EIF2AK4: variants seen among roughly 807,000 people sequenced by gnomAD.
EIF2AK4 encodes the protein eukaryotic translation initiation factor 2 alpha kinase 4.
A neutral mutation model predicts 211.1 loss-of-function variants in EIF2AK4; 139 were observed. The observed-to-expected ratio is 0.66, with a 90% CI of 0.57 to 0.76. EIF2AK4 has a LOEUF of 0.76. Among genes scored for constraint, EIF2AK4 ranks in the 30% least tolerant of loss-of-function variants. The probability of loss-of-function intolerance (pLI) is 0.00; values close to 1 mark genes in which losing one functional copy is unlikely to be tolerated. For missense variants in EIF2AK4, 1,664 were observed against 2,043.8 expected, an observed-to-expected ratio of 0.81 and a Z score of 3.58; for synonymous variants, 710 against 751.3, an observed-to-expected ratio of 0.94 and a Z score of 0.90.
At position 39,961,781 on chromosome 15, in the gene EIF2AK4, A is replaced by G; in HGVS notation, c.744-3A>G. On this transcript the variant is annotated splice_polypyrimidine_tract_variant and splice_region_variant and intron_variant, in intron 6 of 38. Transcript: ENST00000263791. ...AAATGTATTGTTCAAATTTATTTTTAAGGCGAGAACGTCAGTATTCTGTAT... is the reference window on the plus strand; with the variant it reads ...AAATGTATTGTTCAAATTTATTTTTGAGGCGAGAACGTCAGTATTCTGTAT... 1.9e-6 allele frequency: 3 copies of G among 1,601,782 alleles called. No homozygotes were observed. The highest frequency in any genetic ancestry group is 2.6e-6 in the Non-Finnish European group (3 of 1,173,982).
rs1339628994 is a variant in EIF2AK4, at chr15:40,017,238, T to C, written c.4061T>C (p.Leu1354Pro). The C allele has an allele frequency of 1.2e-6, 2 of 1,611,560 alleles. No homozygotes were observed. Among genetic ancestry groups the C allele is most frequent in the Admixed American group, 3.3e-5 (2 of 59,976 alleles). ...EILAAGGRYD[L>P]LIPQFRGPQA... ...CTCGCAGCTGGAGGCAGATATGACC[T>C]GCTGGTGAGGGCTTGCCCTTTATTT... Residue 1354 changes from leucine (L) to proline (P), a missense_variant, in exon 29 of 39, where the codon CTG becomes CCG. Coordinates refer to ENST00000263791, the MANE Select transcript of EIF2AK4 (RefSeq NM_001013703.4).
intron 34 of EIF2AK4, among the ~76,000 whole-genome samples, chr15:40,030,020 T>G (rs1445218514): frequency 6.6e-6 from 1 of 152,218 alleles, no homozygotes; most frequent in Non-Finnish European, 1.5e-5. Flanking sequence ...GATTTCCAAT[T>G]CTTGCAGGAA....
intron 20 of EIF2AK4, among the ~76,000 whole-genome samples, chr15:39,999,518 A>G (rs1213803058): frequency 6.6e-6 from 1 of 152,186 alleles, no homozygotes; most frequent in Non-Finnish European, 1.5e-5. Context: ...TAGATGGAAT[A>G]TTGTATTAAT....
intron 25 of EIF2AK4, among the ~76,000 whole-genome samples, chr15:40,008,672 A>G (rs2035195113): frequency 6.6e-6 from 1 of 152,060 alleles, no homozygotes; most frequent in Non-Finnish European, 1.5e-5. Context: ...TTGTCTAGAA[A>G]GTCTTTGCCC....
Position 40,002,788 on chromosome 15 carries a change from G to C in EIF2AK4, c.3235G>C (p.Gly1079Arg), listed in dbSNP as rs1292404706. 13 of 1,613,974 alleles carry C rather than the reference G, an allele frequency of 8.1e-6. No homozygotes were observed. The highest frequency in any genetic ancestry group is 1.1e-5 in the Non-Finnish European group (13 of 1,179,960). ...ETIIRIFKRHGAVQLCTPLLL... is the reference protein window; with the variant it reads ...ETIIRIFKRHRAVQLCTPLLL... ...CATCATCCGCATCTTTAAAAGACAT[G>C]GTATGTACGCCCTTTTTAAAAATGA... Residue 1079 changes from glycine to arginine, a missense_variant and splice_region_variant, in exon 22 of 39, where the codon GGA (glycine) becomes CGA (arginine). Gly to Arg is a moderately radical substitution (Grantham distance 125). This residue lies in a region of EIF2AK4 where 622 missense variants were observed against 796.8 expected (regional missense o/e 0.78). Coordinates refer to ENST00000263791, the MANE Select transcript of EIF2AK4 (RefSeq NM_001013703.4).
intron 27 of EIF2AK4, among the ~76,000 whole-genome samples, chr15:40,012,111 T>A (rs1312210842): frequency 6.6e-6 from 1 of 152,182 alleles, no homozygotes; most frequent in South Asian, 2.1e-4. Flanking sequence ...TGGGATAGAT[T>A]AAAATATGAT....
intron 17 of EIF2AK4, 107 bp from the exon 18 acceptor site, chr15:39,992,662 A>T: frequency 1.1e-6 from 1 of 889,012 alleles, no homozygotes; most frequent in Non-Finnish European, 1.9e-6. Context: ...TGGCATAGAC[A>T]GTTAACAGAT....
intron 11 of EIF2AK4, chr15:39,974,619 T>C (rs189467062): frequency 1.3e-5 from 2 of 152,366 alleles, no homozygotes; most frequent in Non-Finnish European, 2.9e-5. Context: ...TTGAAGCGTA[T>C]ACTGTCCCTT....
intron 13 of EIF2AK4, among the ~76,000 whole-genome samples, chr15:39,984,834 A>G (rs1183115070): frequency 6.6e-6 from 1 of 152,146 alleles, no homozygotes; most frequent in Non-Finnish European, 1.5e-5. Flanking sequence ...CTATTTTAAT[A>G]CCCTTTATTT....
chr15:39,944,988 G>A lies in EIF2AK4; in HGVS notation c.360+1503G>A, dbSNP rs546304581. Among the ~76,000 whole-genome samples the A allele has an allele frequency of 1.1e-4, 17 of 151,306 alleles. No individual in the cohort carries two copies. In the East Asian group the frequency reaches 3.1e-3, roughly 28 times the overall value. On this transcript the variant is annotated intron_variant, in intron 3 of 38. Transcript: ENST00000263791. Reference sequence around the variant, plus strand: ...GAGATTTAGAAAGTGAGTGTAGAACGGCCTGGATAAAAAACTAGGCCTTGG... The same window carrying A: ...GAGATTTAGAAAGTGAGTGTAGAACAGCCTGGATAAAAAACTAGGCCTTGG...
chr15:39,984,028 A>G (rs2140923630), intron 13 of EIF2AK4, among the ~76,000 whole-genome samples: 1 of 152,300 alleles, frequency 6.6e-6, no homozygotes, highest in South Asian at 2.1e-4. Flanking sequence ...TAATTTTTGT[A>G]TAAGGTGTAA....
At chr15:39,993,661 G>C (rs2034982028) in intron 18 of EIF2AK4, among the ~76,000 whole-genome samples, 1 of 152,234 alleles carries the variant, frequency 6.6e-6, no homozygotes, top group Non-Finnish European at 1.5e-5. Context: ...GGGGACAGAG[G>C]CATGAAGTTA....
intron 18 of EIF2AK4, among the ~76,000 whole-genome samples, chr15:39,993,223 G>GCCAT (rs1371947778): frequency 9.4e-5 from 14 of 149,120 alleles, no homozygotes; most frequent in East Asian, 2.0e-4. Flanking sequence ...CATCCATCCA[G>GCCAT]CCATCCATCC....
intron 3 of EIF2AK4, 74 bp from the exon 4 acceptor site, chr15:39,949,042 T>G (rs2034267937): frequency 6.4e-7 from 1 of 1,569,690 alleles, no homozygotes. Context: ...TTTGCTTTCC[T>G]GTTCTGTAGC....
At chr15:40,016,257 A>G (rs902201965) in intron 27 of EIF2AK4, among the ~76,000 whole-genome samples, 1 of 152,250 alleles carries the variant, frequency 6.6e-6, no homozygotes, top group Non-Finnish European at 1.5e-5. Flanking sequence ...ATTAAGTGTG[A>G]GTAAATGTAT....
At chr15:40,003,089 G>A in intron 22 of EIF2AK4, 104 bp from the exon 23 acceptor site, 1 of 1,489,750 alleles carries the variant, frequency 6.7e-7, no homozygotes, top group Non-Finnish European at 9.1e-7. Flanking sequence ...GACTTCAATG[G>A]TCCCAGTAGC....
chr15:39,991,969 C>A, intron 16 of EIF2AK4: 1 of 467,096 alleles, frequency 2.1e-6, no homozygotes, highest in East Asian at 3.2e-5. Context: ...AGTGATTGCC[C>A]CCCTCCCTCT....
chr15:39,948,968 C>T lies in EIF2AK4; in HGVS notation c.361-148C>T, dbSNP rs528426892. The T allele has an allele frequency of 1.8e-4, 161 of 902,720 alleles. 2 individuals carry two copies. The South Asian group carries it at 2.6e-3, about 14-fold the overall frequency. The allele number at this position is 902,720 out of a possible 1,614,324, so 55.9% of individuals were successfully genotyped here. On this transcript the variant is annotated intron_variant, in intron 3 of 38. Transcript: ENST00000263791. ...TTTCCTGCTGTGATTATATCATATA[C>T]CGAATTCAGAGTATGTCATATCAAA...
In EIF2AK4 at chr15:39,960,143, G is replaced by C. The variant is rs570169305; in HGVS notation, c.744-1641G>C. Among the ~76,000 whole-genome samples the C allele has an allele frequency of 2.2e-5, 3 of 137,770 alleles. No homozygotes were observed. The South Asian group carries it at 6.8e-4, about 31-fold the overall frequency. 90.4% of individuals were successfully genotyped at this position (137,770 alleles called of 152,430 possible). On this transcript the variant is annotated intron_variant, in intron 6 of 38. Coordinates refer to ENST00000263791, the MANE Select transcript of EIF2AK4 (RefSeq NM_001013703.4). ...CGCGCCACTGCACTCCAGCCTGGGC[G>C]ACAGAGCGAGACTCCATCTCAAAAA...
Sources: gnomAD v4.1 joint callset for allele counts (sites outside exome capture counted in the v4.1 genomes callset) on GRCh38, gnomAD v4.1.1 for gene constraint, gnomAD v4.1.1 regional missense constraint, MANE v1.5 for transcripts, NCBI Gene and HGNC (gene_info 2026-07-23, HGNC 2026-07-21) for gene names.